The following GRIA1 variants were observed in gnomAD, a reference collection of about 807,000 sequenced individuals.
GRIA1 encodes the protein glutamate receptor 1.
In GRIA1, 31 loss-of-function variants were observed where a neutral mutation model predicts 99.2. The observed-to-expected ratio is 0.31, with a 90% CI of 0.23 to 0.42. The LOEUF is 0.42. Ranked by LOEUF, GRIA1 falls within the 10% of genes least tolerant of loss-of-function variation. The pLI is 1.00. For missense variants in GRIA1, 782 were observed against 1,157.5 expected (o/e 0.68, Z 4.71); for synonymous variants, 438 against 432.4 (o/e 1.01, Z -0.16).
intron 2 of GRIA1, among the ~76,000 whole-genome samples, chr5:153,625,418 T>C (rs1309593521): frequency 6.6e-6 from 1 of 152,126 alleles, no homozygotes; most frequent in East Asian, 1.9e-4. Flanking sequence ...GAATTCTGGG[T>C]TCAGTTGAGT....
At chr5:153,760,079 G>T (rs1763079865) in intron 11 of GRIA1, among the ~76,000 whole-genome samples, 1 of 151,916 alleles carries the variant, frequency 6.6e-6, no homozygotes, top group Non-Finnish European at 1.5e-5. Flanking sequence ...GAAAAATACA[G>T]CTAACATCAT....
intron 2 of GRIA1, among the ~76,000 whole-genome samples, chr5:153,497,949 G>T (rs13164993): frequency 0.025 from 3,875 of 152,246 alleles, 66 homozygotes; most frequent in South Asian, 0.043. Context: ...AGTGGAGTTT[G>T]TCTCTAGGAG....
intron 3 of GRIA1, among the ~76,000 whole-genome samples, chr5:153,648,839 C>T (rs1025234885): frequency 2.9e-5 from 2 of 70,098 alleles, no homozygotes; most frequent in Non-Finnish European, 6.9e-5. Flanking sequence ...AATAATGACA[C>T]CCCCCCCCAA....
At chr5:153,680,154 C>CCT in intron 7 of GRIA1, among the ~76,000 whole-genome samples, 1 of 152,096 alleles carries the variant, frequency 6.6e-6, no homozygotes, top group Non-Finnish European at 1.5e-5. Context: ...AAGGGCACGG[C>CCT]CAAACAGGGA....
chr5:153,492,128 G>T (rs553452899), intron 1 of GRIA1: 19 of 1,415,388 alleles, frequency 1.3e-5, no homozygotes, highest in Middle Eastern at 4.2e-4. Flanking sequence ...CGCATTGCTG[G>T]GAGTTTGTGC....
intron 2 of GRIA1, among the ~76,000 whole-genome samples, chr5:153,629,616 G>A (rs1355451169): frequency 1.3e-5 from 2 of 152,322 alleles, no homozygotes; most frequent in East Asian, 3.9e-4. Context: ...ACACACTTGG[G>A]AACACATGCA....
At chr5:153,790,106 C>A (rs111820550) in intron 13 of GRIA1, among the ~76,000 whole-genome samples, 30 of 152,250 alleles carry the variant, frequency 2.0e-4, no homozygotes, top group African/African-American at 7.2e-4. Context: ...TTATTCAGAG[C>A]AAGGCTAACC....
chr5:153,670,580 C>T (rs918026616), intron 5 of GRIA1, among the ~76,000 whole-genome samples: 1 of 151,542 alleles, frequency 6.6e-6, no homozygotes, highest in Admixed American at 6.6e-5. Flanking sequence ...ATATAATTAG[C>T]AATGTAGTAT....
At chr5:153,770,614 G>A (rs1011557640) in intron 13 of GRIA1, among the ~76,000 whole-genome samples, 199 bp downstream of exon 13, 1 of 152,172 alleles carries the variant, frequency 6.6e-6, no homozygotes, top group Non-Finnish European at 1.5e-5. Context: ...GGGGGCCTCA[G>A]CTTGCTGTGA....
At chr5:153,594,111 A>T (rs1304454424) in intron 2 of GRIA1, among the ~76,000 whole-genome samples, 1 of 151,958 alleles carries the variant, frequency 6.6e-6, no homozygotes, top group East Asian at 1.9e-4. Flanking sequence ...TTTGTTTGGG[A>T]TTTATTGTCC....
intron 5 of GRIA1, among the ~76,000 whole-genome samples, chr5:153,659,342 G>A (rs1462233973): frequency 2.6e-5 from 4 of 152,140 alleles, no homozygotes; most frequent in Non-Finnish European, 4.4e-5. Context: ...ATTGGTGTGG[G>A]CATAAGATGA....
chr5:153,724,861 G>A (rs969301378), intron 11 of GRIA1, among the ~76,000 whole-genome samples: 120 of 152,292 alleles, frequency 7.9e-4, no homozygotes, highest in Non-Finnish European at 5.9e-5. Context: ...AATCTAGCAA[G>A]GCAGGCCAAC....
At chr5:153,662,666 A>G (rs1755455472) in intron 5 of GRIA1, among the ~76,000 whole-genome samples, 1 of 152,200 alleles carries the variant, frequency 6.6e-6, no homozygotes, top group Admixed American at 6.5e-5. Flanking sequence ...CAAGAATGAG[A>G]GAAAGGAGGT....
intron 2 of GRIA1, among the ~76,000 whole-genome samples, chr5:153,519,496 G>A (rs1291035357): frequency 6.6e-6 from 1 of 151,232 alleles, no homozygotes; most frequent in Non-Finnish European, 1.5e-5. Flanking sequence ...TCATCTTAAC[G>A]CTGTGAGTGT....
chr5:153,514,425 G>T (rs557481323), intron 2 of GRIA1, among the ~76,000 whole-genome samples: 2 of 152,098 alleles, frequency 1.3e-5, no homozygotes, highest in Non-Finnish European at 2.9e-5. Flanking sequence ...CAGCTTTTCC[G>T]GCACCATTTA....
chr5:153,702,383 C>T (rs1159808743), intron 10 of GRIA1, among the ~76,000 whole-genome samples: 5 of 152,202 alleles, frequency 3.3e-5, no homozygotes, highest in African/African-American at 7.2e-5. Flanking sequence ...TTGCTGGCCC[C>T]GACTTTTCCG....
intron 2 of GRIA1, among the ~76,000 whole-genome samples, chr5:153,566,304 C>CTTTTTTTTTTT (rs55872840): frequency 0.023 from 832 of 36,524 alleles, 289 homozygotes; most frequent in Non-Finnish European, 0.031. Flanking sequence ...AATTCCCTGC[C>CTTTTTTTTTTT]TTTTTTTTTT....
At chr5:153,575,994 A>G (rs1762499964) in intron 2 of GRIA1, among the ~76,000 whole-genome samples, 1 of 152,218 alleles carries the variant, frequency 6.6e-6, no homozygotes, top group Non-Finnish European at 1.5e-5. Context: ...TTAGGACAAC[A>G]TATTGATTAA....
intron 8 of GRIA1, among the ~76,000 whole-genome samples, chr5:153,691,306 T>C (rs554749375): frequency 1.3e-5 from 2 of 152,354 alleles, no homozygotes; most frequent in East Asian, 3.9e-4. Context: ...TTCTGATAAA[T>C]GGCTGCCCAG....
Sources: allele counts gnomAD v4.1 joint callset (sites outside exome capture counted in the v4.1 genomes callset), GRCh38; gene constraint gnomAD v4.1.1; transcripts MANE v1.5; gene names NCBI Gene and HGNC (gene_info 2026-07-23, HGNC 2026-07-21).